The following CYFIP1 variants were observed in gnomAD, a reference collection of about 807,000 sequenced individuals.
CYFIP1 encodes the protein cytoplasmic FMR1-interacting protein 1.
Under a neutral mutation model 163.5 loss-of-function variants are expected in CYFIP1, and 58 were observed. The ratio of observed to expected loss-of-function variants is 0.35; its 90% CI spans 0.29 to 0.44. The LOEUF (loss-of-function observed/expected upper bound fraction) is 0.44, where lower values mean the gene tolerates loss of function less well. Among genes scored for constraint, CYFIP1 ranks in the 20% least tolerant of loss-of-function variants. The pLI is 1.00. For missense variants in CYFIP1, 1,338 were observed against 1,653.8 expected (o/e 0.81, Z 3.31); for synonymous variants, 663 against 660.7 (o/e 1.00, Z -0.05).
chr15:22,894,163 C>T (rs527951851), intron 22 of CYFIP1, among the ~76,000 whole-genome samples: 1 of 152,178 alleles, frequency 6.6e-6, no homozygotes, highest in South Asian at 2.1e-4. Flanking sequence ...CTCCGTCCAC[C>T]TACAATGGTG....
chr15:22,895,696 G>T (rs887483653), intron 22 of CYFIP1, among the ~76,000 whole-genome samples: 1 of 152,218 alleles, frequency 6.6e-6, no homozygotes, highest in African/African-American at 2.4e-5. Flanking sequence ...GCCTGGGGCT[G>T]TGTGCCTGGT....
chr15:22,883,263 T>G (rs550003471), intron 23 of CYFIP1, among the ~76,000 whole-genome samples: 1 of 152,200 alleles, frequency 6.6e-6, no homozygotes, highest in Admixed American at 6.5e-5. Context: ...GCCGACTCGC[T>G]AGAAGCCATT....
intron 1 of CYFIP1, 148 bp downstream of exon 1, chr15:22,980,139 G>A (rs2063430139): frequency 1.5e-5 from 2 of 134,576 alleles, no homozygotes; most frequent in East Asian, 5.6e-4. Flanking sequence ...CCCGGAGGCC[G>A]CGCCGCCGGG....
At chr15:22,873,872 G>T in intron 28 of CYFIP1, 143 bp from the exon 29 acceptor site, 1 of 750,440 alleles carries the variant, frequency 1.3e-6, no homozygotes, top group Non-Finnish European at 2.2e-6. Context: ...GCTCGCTGCA[G>T]CCTTGACTTC....
intron 15 of CYFIP1, chr15:22,916,986 T>C: frequency 6.4e-7 from 1 of 1,551,310 alleles, no homozygotes; most frequent in Non-Finnish European, 8.7e-7. Context: ...CCTGAGCAGC[T>C]CGGCAGAGCC....
In CYFIP1 at chr15:22,885,865, T is replaced by G. The variant is rs796127091; in HGVS notation, c.2677-2854A>C. Among the ~76,000 whole-genome samples, 12 of 152,174 alleles carry G rather than the reference T, an allele frequency of 7.9e-5. No homozygotes were observed. In the East Asian group the frequency reaches 2.1e-3, roughly 27 times the overall value. On this transcript the variant is annotated intron_variant, in intron 23 of 30. Coordinates refer to ENST00000617928, the MANE Select transcript of CYFIP1 (RefSeq NM_014608.6). Reference sequence around the variant, plus strand: ...GCCTGTTACCCAGTTCCAAAGTCACTTCCACATTTTCAGGTATCTTTATAG... The same window carrying G: ...GCCTGTTACCCAGTTCCAAAGTCACGTCCACATTTTCAGGTATCTTTATAG...
intron 1 of CYFIP1, among the ~76,000 whole-genome samples, chr15:22,954,237 G>C (rs2062362808): frequency 6.6e-6 from 1 of 152,038 alleles, no homozygotes; most frequent in African/African-American, 2.4e-5. Context: ...TCACAAGAGA[G>C]GCCAACCCTG....
At chr15:22,889,465 G>A (rs893566187) in intron 23 of CYFIP1, among the ~76,000 whole-genome samples, 16 of 152,308 alleles carry the variant, frequency 1.1e-4, no homozygotes, top group Admixed American at 3.9e-4. Context: ...AAAAACGTGT[G>A]TCAAGAGCCT....
At chr15:22,914,597 A>C in intron 17 of CYFIP1, 129 bp downstream of exon 17, 1 of 947,572 alleles carries the variant, frequency 1.1e-6, no homozygotes, top group Non-Finnish European at 1.5e-6. Flanking sequence ...GGGTCTTGCT[A>C]TTTTGCCCAG....
In CYFIP1 at chr15:22,896,530, T is replaced by G. The variant is rs563825804; in HGVS notation, c.2589-3553A>C. On this transcript the variant is annotated intron_variant, in intron 22 of 30. Transcript: ENST00000617928. Reference sequence around the variant, plus strand: ...TCGTTTTTTTCATCATTTTTTTCTTTTGGTGCTTCAGTTCAGCTAGTTTCC... The same window carrying G: ...TCGTTTTTTTCATCATTTTTTTCTTGTGGTGCTTCAGTTCAGCTAGTTTCC... Among the ~76,000 whole-genome samples the G allele has an allele frequency of 6.6e-5, 10 of 152,240 alleles. No homozygotes were observed. In the South Asian group the frequency reaches 2.1e-3, roughly 32 times the overall value.
intron 1 of CYFIP1, among the ~76,000 whole-genome samples, chr15:22,975,441 C>CAAAAAAAAA (rs35556120): frequency 2.8e-5 from 2 of 71,352 alleles, no homozygotes; most frequent in Non-Finnish European, 4.8e-5. Context: ...GACTCCGTCT[C>CAAAAAAAAA]AAAAAAAAAA....
At position 22,945,111 on chromosome 15, in the gene CYFIP1, A is replaced by T. The variant is rs2062016029; in HGVS notation, c.208-172T>A. Among the ~76,000 whole-genome samples the T allele has an allele frequency of 2.0e-5, 3 of 152,174 alleles. No individual in the cohort carries two copies. The South Asian group carries it at 6.2e-4, about 32-fold the overall frequency. The stretch of plus-strand genomic sequence containing the variant: ...ACACTGAGGTGCGGCGCTGGGGGCC[A>T]CAATGACCACCCAAAACACCCCATG... On this transcript the variant is annotated intron_variant, in intron 3 of 30. Coordinates refer to ENST00000617928, the MANE Select transcript of CYFIP1 (RefSeq NM_014608.6).
At position 22,898,628 on chromosome 15, in the gene CYFIP1, C is replaced by T. The variant is rs181454658; in HGVS notation, c.2588+5078G>A. On this transcript the variant is annotated intron_variant, in intron 22 of 30. Coordinates refer to ENST00000617928, the MANE Select transcript of CYFIP1 (RefSeq NM_014608.6). ...CAGCTCACTACAGCCTAGACCTCCC[C>T]AGGCTCAAGTGATCCTCCCATGTCA... 3.0e-3 allele frequency among the ~76,000 whole-genome samples: 461 copies of T among 152,138 alleles called. 5 individuals are homozygous for T. Among genetic ancestry groups the T allele is most frequent in the African/African-American group, 0.01 (432 of 41,484 alleles).
chr15:22,978,530 CTA>C (rs768159840), intron 1 of CYFIP1, among the ~76,000 whole-genome samples: 2 of 152,016 alleles, frequency 1.3e-5, no homozygotes. Flanking sequence ...TATGATCTCA[CTA>C]TGTTATTTAA....
Position 22,910,601 on chromosome 15 carries a change from T to G in CYFIP1, c.2187A>C (p.Ser729=), listed in dbSNP as rs1385844733. The part of the protein sequence containing the change: ...GSLLLDKRLR[S]ECKNQGATIH... ...TCGTGGCTCCCTGATTCTTGCATTCTGATCGTAACCGTTTATCAAGAAGCA... is the reference window on the plus strand; with the variant it reads ...TCGTGGCTCCCTGATTCTTGCATTCGGATCGTAACCGTTTATCAAGAAGCA... Residue 729 remains serine, a synonymous_variant, in exon 20 of 31, where the codon TCA becomes TCC. Coordinates refer to ENST00000617928, the MANE Select transcript of CYFIP1 (RefSeq NM_014608.6). 1 of 1,614,206 alleles carries G rather than the reference T, an allele frequency of 6.2e-7. No homozygotes were observed. The highest frequency in any genetic ancestry group is 8.5e-7 in the Non-Finnish European group (1 of 1,180,014).
chr15:22,964,172 T>TTC (rs778727781), intron 1 of CYFIP1, among the ~76,000 whole-genome samples: 6 of 150,206 alleles, frequency 4.0e-5, no homozygotes, highest in East Asian at 1.9e-4. Flanking sequence ...TTTTTTTTTT[T>TTC]CCCTTTCTGG....
intron 23 of CYFIP1, among the ~76,000 whole-genome samples, chr15:22,886,646 T>A (rs904385170): frequency 1.3e-5 from 2 of 152,168 alleles, no homozygotes; most frequent in Non-Finnish European, 2.9e-5. Context: ...TGGAGAACAC[T>A]CTCCATAGGA....
upstream of CYFIP1, among the ~76,000 whole-genome samples, chr15:22,980,855 C>G (rs1002115824): frequency 6.6e-6 from 1 of 151,906 alleles, no homozygotes; most frequent in Non-Finnish European, 1.5e-5. Flanking sequence ...GCGCAGAGCC[C>G]GCTGGGGACC....
intron 13 of CYFIP1, 137 bp downstream of exon 13, chr15:22,925,845 C>G (rs1395189913): frequency 2.3e-6 from 3 of 1,297,504 alleles, no homozygotes; most frequent in Non-Finnish European, 3.2e-6. Flanking sequence ...ACTCTGACTA[C>G]TCTGCCAGAT....
Sources: gnomAD v4.1 joint callset for allele counts (sites outside exome capture counted in the v4.1 genomes callset) on GRCh38, gnomAD v4.1.1 for gene constraint, MANE v1.5 for transcripts, NCBI Gene and HGNC (gene_info 2026-07-23, HGNC 2026-07-21) for gene names.